MAP1B: variants seen among roughly 807,000 people sequenced by gnomAD.
MAP1B encodes the protein microtubule-associated protein 1B.
In MAP1B, 12 loss-of-function variants were observed where a neutral mutation model predicts 176.1. That is an observed-to-expected ratio of 0.07 (90% confidence interval 0.04 to 0.11). MAP1B has a LOEUF of 0.11. MAP1B is among the 10% of genes least tolerant of loss of function. MAP1B has a pLI of 1.00. For missense variants in MAP1B, 2,523 were observed against 2,990.5 expected (o/e 0.84, Z 3.65); for synonymous variants, 1,044 against 1,135.0 (o/e 0.92, Z 1.61).
At position 72,196,344 on chromosome 5, in the gene MAP1B, G is replaced by T; in HGVS notation, c.2989G>T (p.Asp997Tyr). Residue 997 changes from aspartate to tyrosine, a missense_variant, in exon 5 of 7, where the codon GAT becomes TAT. Asp to Tyr is a radical substitution (Grantham distance 160). Coordinates refer to ENST00000296755, the MANE Select transcript of MAP1B (RefSeq NM_005909.5). The surrounding 1 kb of genome is among the most constrained non-coding windows in gnomAD (Gnocchi z 5.3). ...REKRESVASG[D>Y]DRAEEDMDEA... ...GAAGAGGGAGTCTGTGGCCAGTGGG[G>T]ATGACCGAGCCGAAGAAGACATGGA... The T allele has an allele frequency of 6.2e-7, 1 of 1,614,138 alleles. No homozygotes were observed. Among genetic ancestry groups the T allele is most frequent in the Non-Finnish European group, 8.5e-7 (1 of 1,180,038 alleles).
chr5:72,190,455 T>A (rs1012637923), intron 4 of MAP1B, among the ~76,000 whole-genome samples: 4 of 152,222 alleles, frequency 2.6e-5, no homozygotes, highest in Admixed American at 2.6e-4. Context: ...AATCCTGTAG[T>A]TTACCCTGCT....
intron 2 of MAP1B, among the ~76,000 whole-genome samples, chr5:72,124,397 A>G (rs1020630706): frequency 2.6e-5 from 4 of 152,268 alleles, no homozygotes; most frequent in Non-Finnish European, 5.9e-5. Flanking sequence ...AGGATTGCCT[A>G]TAGTCAGGAC....
chr5:72,117,385 C>CT (rs1192262161), intron 2 of MAP1B, among the ~76,000 whole-genome samples: 1 of 152,070 alleles, frequency 6.6e-6, no homozygotes, highest in Non-Finnish European at 1.5e-5. Context: ...GTTGTTCTGG[C>CT]TTTTTTACTA....
chr5:72,207,950 C>T lies in MAP1B; in HGVS notation c.*2711C>T, dbSNP rs896921702. On this transcript the variant is annotated 3_prime_UTR_variant, in exon 7 of 7. Transcript: ENST00000296755. ...AACCACTCCACCCTCCTCACTTTCT[C>T]TCTCTCTCTCTCTTTTTTTTTTTTT... is the stretch of plus-strand genomic sequence containing the variant. 2 of 132,602 alleles carry T rather than the reference C, an allele frequency of 1.5e-5. No individual in the cohort carries two copies. Among genetic ancestry groups the T allele is most frequent in the Non-Finnish European group, 3.4e-5 (2 of 58,714 alleles). 8.2% of individuals were successfully genotyped at this position (132,602 alleles called of 1,614,324 possible). A position where few individuals can be genotyped will look rare whatever the true frequency, so the allele number is the denominator to read the frequency against.
At chr5:72,139,248 A>C (rs1157949004) in intron 2 of MAP1B, among the ~76,000 whole-genome samples, 1 of 152,190 alleles carries the variant, frequency 6.6e-6, no homozygotes, top group East Asian at 1.9e-4. Context: ...CTAATCTATG[A>C]TCTCCAGTTC....
intron 1 of MAP1B, among the ~76,000 whole-genome samples, chr5:72,113,208 C>T (rs1443836537): frequency 1.3e-5 from 2 of 152,070 alleles, no homozygotes; most frequent in Non-Finnish European, 2.9e-5. Flanking sequence ...TGGCCTGATT[C>T]CAAAATTTTC....
chr5:72,197,253 G>A lies in MAP1B; in HGVS notation c.3898G>A (p.Glu1300Lys), dbSNP rs779511572. 21 of 1,614,090 alleles carry A rather than the reference G, an allele frequency of 1.3e-5. No homozygotes were observed. The highest frequency in any genetic ancestry group is 1.6e-5 in the Non-Finnish European group (19 of 1,180,038). Residue 1300 changes from glutamate (E) to lysine (K), a missense_variant, in exon 5 of 7, where the codon GAG becomes AAG. Physicochemically the swap from Glu to Lys is moderately conservative, Grantham distance 56. Transcript: ENST00000296755. The stretch of plus-strand genomic sequence containing the variant: ...GGCAGAAGTAGCCCCGGTGTCTCCT[G>A]AGGTGACCCAAGAAGTAGTTGAAGA... ...AEAEVAPVSPEVTQEVVEEHC... is the reference protein window; with the variant it reads ...AEAEVAPVSPKVTQEVVEEHC...
chr5:72,140,491 G>T (rs1745927181), intron 2 of MAP1B, among the ~76,000 whole-genome samples: 1 of 152,162 alleles, frequency 6.6e-6, no homozygotes, highest in Admixed American at 6.5e-5. Flanking sequence ...TGGTATAGAG[G>T]TTTTTGAAGA....
chr5:72,164,318 A>G (rs1457063534), intron 2 of MAP1B, among the ~76,000 whole-genome samples: 1 of 152,122 alleles, frequency 6.6e-6, no homozygotes. Flanking sequence ...ATTGTTTCAT[A>G]GTTCAGGTGA....
chr5:72,170,250 C>T (rs1382628062), intron 2 of MAP1B, among the ~76,000 whole-genome samples: 6 of 152,104 alleles, frequency 3.9e-5, no homozygotes, highest in Admixed American at 1.3e-4. Context: ...GCATCCTATC[C>T]GTCAAAGTAT....
chr5:72,145,775 C>G (rs1489913309), intron 2 of MAP1B, among the ~76,000 whole-genome samples: 5 of 152,214 alleles, frequency 3.3e-5, no homozygotes, highest in Non-Finnish European at 5.9e-5. Context: ...CCAGCGGTCA[C>G]TTGGAGGTTC....
chr5:72,196,322 G>T lies in MAP1B; in HGVS notation c.2967G>T (p.Lys989Asn). ...AGGCTGATGCATACATCAGGGAGAAGAGGGAGTCTGTGGCCAGTGGGGATG... is the reference window on the plus strand; with the variant it reads ...AGGCTGATGCATACATCAGGGAGAATAGGGAGTCTGTGGCCAGTGGGGATG... ...KAEADAYIRE[K>N]RESVASGDDR... The change falls in exon 5 of 7, where the codon AAG becomes AAT. Residue 989 changes from lysine (K) to asparagine (N), a missense_variant. Lys to Asn is a moderately conservative substitution (Grantham distance 94). This residue lies in a region of MAP1B where 1,925 missense variants were observed against 2,126.0 expected (regional missense o/e 0.91). Coordinates refer to ENST00000296755, the MANE Select transcript of MAP1B (RefSeq NM_005909.5). This position sits in a 1 kb window ranked among gnomAD's most constrained non-coding sequence, Gnocchi z 5.3. 1 of 1,614,140 alleles carries T rather than the reference G, an allele frequency of 6.2e-7. No individual in the cohort carries two copies. Among genetic ancestry groups the T allele is most frequent in the Non-Finnish European group, 8.5e-7 (1 of 1,180,014 alleles).
intron 1 of MAP1B, among the ~76,000 whole-genome samples, chr5:72,114,149 G>A (rs1745393548): frequency 6.6e-6 from 1 of 152,018 alleles, no homozygotes; most frequent in South Asian, 2.1e-4. Flanking sequence ...ATTCCTCCTG[G>A]TTGAAAAGGT....
At chr5:72,183,516 G>C (rs563442196) in intron 2 of MAP1B, among the ~76,000 whole-genome samples, 2 of 152,164 alleles carry the variant, frequency 1.3e-5, no homozygotes, top group Non-Finnish European at 2.9e-5. Flanking sequence ...GTGTGAGAGC[G>C]GGAGGAGCCC....
chr5:72,134,506 C>T lies in MAP1B; in HGVS notation c.286+18707C>T, dbSNP rs191503186. Among the ~76,000 whole-genome samples, 775 of 131,826 alleles carry T rather than the reference C, an allele frequency of 5.9e-3. 2 individuals carry two copies. The highest frequency in any genetic ancestry group is 9.6e-3 in the Non-Finnish European group (547 of 57,120). 86.5% of individuals were successfully genotyped at this position (131,826 alleles called of 152,430 possible). A position where few individuals can be genotyped will look rare whatever the true frequency, so the allele number is the denominator to read the frequency against. ...AGGAGAGAAGTCCTATTGACATTTT[C>T]ATTTTCATTAAGAAGAATTTGGTTT... On this transcript the variant is annotated intron_variant, in intron 2 of 6. Coordinates refer to ENST00000296755, the MANE Select transcript of MAP1B (RefSeq NM_005909.5).
At position 72,197,664 on chromosome 5, in the gene MAP1B, G is replaced by C. The variant is rs762510609; in HGVS notation, c.4309G>C (p.Gly1437Arg). The C allele has an allele frequency of 1.8e-5, 29 of 1,614,154 alleles. No homozygotes were observed. The South Asian group carries it at 3.1e-4, about 17-fold the overall frequency. The change falls in exon 5 of 7, where the codon GGC becomes CGC. Residue 1437 changes from glycine to arginine, a missense_variant. Transcript: ENST00000296755. ...SPFEEKSGKQ[G>R]SPDQVSPVSE... is the part of the protein sequence containing the mutation. The stretch of plus-strand genomic sequence containing the variant: ...TTTTGAAGAAAAGAGTGGAAAACAA[G>C]GCTCTCCAGACCAAGTAAGTCCAGT...
chr5:72,116,336 C>T (rs1212747845), intron 2 of MAP1B: 1 of 305,380 alleles, frequency 3.3e-6, no homozygotes, highest in Non-Finnish European at 6.4e-6. Context: ...GCATTATCAC[C>T]CGCCATTGCA....
intron 2 of MAP1B, among the ~76,000 whole-genome samples, chr5:72,155,039 C>G (rs1746202995): frequency 6.6e-6 from 1 of 152,190 alleles, no homozygotes; most frequent in Non-Finnish European, 1.5e-5. Flanking sequence ...AAGGGAAGCC[C>G]AGACGTTCTG....
At chr5:72,115,355 T>G (rs910930018) in intron 1 of MAP1B, among the ~76,000 whole-genome samples, 2 of 152,248 alleles carry the variant, frequency 1.3e-5, no homozygotes, top group Non-Finnish European at 2.9e-5. Context: ...TCTTAGCTTC[T>G]TAAGAACTAA....
Sources: allele counts gnomAD v4.1 joint callset (sites outside exome capture counted in the v4.1 genomes callset), GRCh38; gene constraint gnomAD v4.1.1; regional missense constraint gnomAD v4.1.1; non-coding constraint Gnocchi (gnomAD v3.1); transcripts MANE v1.5; gene names NCBI Gene and HGNC (gene_info 2026-07-23, HGNC 2026-07-21).